Variants in IL1RAPL2 observed in about 807,000 individuals in gnomAD.
The protein encoded by IL1RAPL2 is X-linked interleukin-1 receptor accessory protein-like 2.
In IL1RAPL2, 3 loss-of-function variants were observed where a neutral mutation model predicts 44.1. That is an observed-to-expected ratio of 0.07 (90% confidence interval 0.03 to 0.18). IL1RAPL2 has a LOEUF of 0.18. IL1RAPL2 is among the 10% of genes least tolerant of loss of function. The pLI is 1.00. For synonymous variants in IL1RAPL2, 181 were observed against 178.8 expected (o/e 1.01, Z -0.10); for missense variants, 391 against 496.4 (o/e 0.79, Z 2.02).
intron 1 of IL1RAPL2, among the ~76,000 whole-genome samples, chrX:104,604,476 T>C (rs1928958708): frequency 9.1e-6 from 1 of 110,404 alleles, no homozygotes; most frequent in South Asian, 3.9e-4. Context: ...TAAATGTAAA[T>C]GGGCTAAGTG....
At chrX:104,715,768 A>T (rs1931552510) in intron 2 of IL1RAPL2, among the ~76,000 whole-genome samples, 1 of 110,385 alleles carries the variant, frequency 9.1e-6, no homozygotes, top group South Asian at 3.8e-4. Flanking sequence ...ATAACCCACT[A>T]CTCAAAGAAA....
intron 2 of IL1RAPL2, among the ~76,000 whole-genome samples, chrX:104,765,199 T>C (rs948695072): frequency 9.0e-6 from 1 of 111,675 alleles, no homozygotes; most frequent in Non-Finnish European, 1.9e-5. Flanking sequence ...TTTTGTTTTG[T>C]TTTTTACTGG....
At chrX:104,978,609 AC>A (rs2030380130) in intron 2 of IL1RAPL2, among the ~76,000 whole-genome samples, 1 of 111,871 alleles carries the variant, frequency 8.9e-6, no homozygotes, top group Admixed American at 9.5e-5. Context: ...ATATGTAAAA[AC>A]AAAAAGAAGA....
chrX:104,732,557 A>T (rs1931939860), intron 2 of IL1RAPL2, among the ~76,000 whole-genome samples: 1 of 111,853 alleles, frequency 8.9e-6, no homozygotes, highest in Non-Finnish European at 1.9e-5. Context: ...AATAAAATAT[A>T]TTAAAAGTGC....
intron 6 of IL1RAPL2, among the ~76,000 whole-genome samples, chrX:105,517,561 G>A (rs1025807778): frequency 3.6e-4 from 40 of 110,530 alleles, no homozygotes; most frequent in African/African-American, 1.3e-3. Context: ...CCTCTATTAG[G>A]ACACCTTTTC....
intron 6 of IL1RAPL2, among the ~76,000 whole-genome samples, chrX:105,560,661 C>T (rs971625567): frequency 2.7e-5 from 3 of 110,384 alleles, no homozygotes; most frequent in Non-Finnish European, 5.7e-5. Flanking sequence ...TCAGGTGATC[C>T]GCCCACCTCA....
intron 7 of IL1RAPL2, among the ~76,000 whole-genome samples, chrX:105,721,416 C>CA (rs113785568): frequency 0.26 from 27,079 of 103,020 alleles, 5,012 homozygotes; most frequent in African/African-American, 0.64. Flanking sequence ...AACTCCATCT[C>CA]AAAAAAAAAA....
At chrX:105,266,321 C>T (rs146629521) in intron 4 of IL1RAPL2, among the ~76,000 whole-genome samples, 1,604 of 111,012 alleles carry the variant, frequency 0.014, 27 homozygotes, top group African/African-American at 0.05. Flanking sequence ...GGATTACAGG[C>T]GTGAGCCACC....
chrX:104,590,972 C>G (rs1928653398), intron 1 of IL1RAPL2, among the ~76,000 whole-genome samples: 1 of 111,377 alleles, frequency 9.0e-6, no homozygotes, highest in African/African-American at 3.3e-5. Flanking sequence ...AGTCCCAGAT[C>G]AGGAAATTTC....
chrX:104,822,719 G>A (rs1475562203), intron 2 of IL1RAPL2, among the ~76,000 whole-genome samples: 1 of 112,037 alleles, frequency 8.9e-6, no homozygotes, highest in Admixed American at 9.5e-5. Flanking sequence ...TTTTTGCTTA[G>A]AATTGTCTTG....
chrX:104,943,160 T>C (rs754216849), intron 2 of IL1RAPL2, among the ~76,000 whole-genome samples: 5 of 111,533 alleles, frequency 4.5e-5, no homozygotes, highest in African/African-American at 1.6e-4. Context: ...TTCTCTTTTT[T>C]TAATTGTGTC....
intron 2 of IL1RAPL2, among the ~76,000 whole-genome samples, chrX:105,184,975 C>A (rs929152706): frequency 9.0e-6 from 1 of 111,582 alleles, no homozygotes; most frequent in African/African-American, 3.3e-5. Flanking sequence ...GTGTGTCAGT[C>A]CCTGTTCTAA....
At chrX:105,530,369 C>A in intron 6 of IL1RAPL2, among the ~76,000 whole-genome samples, 3 of 111,146 alleles carry the variant, frequency 2.7e-5, no homozygotes, top group Non-Finnish European at 5.7e-5. Flanking sequence ...TGTATACCTT[C>A]TTTGTAGAAA....
intron 2 of IL1RAPL2, among the ~76,000 whole-genome samples, chrX:104,715,319 G>A (rs1450647478): frequency 9.5e-6 from 1 of 105,130 alleles, no homozygotes; most frequent in East Asian, 3.0e-4. Flanking sequence ...GTGGGGGTCT[G>A]TAATAATATC....
intron 5 of IL1RAPL2, among the ~76,000 whole-genome samples, chrX:105,281,538 G>A (rs2034532658): frequency 8.9e-6 from 1 of 111,872 alleles, no homozygotes; most frequent in African/African-American, 3.2e-5. Context: ...TATATAAAAC[G>A]GTGGTCCCAT....
intron 6 of IL1RAPL2, among the ~76,000 whole-genome samples, chrX:105,673,296 A>G (rs1011439421): frequency 9.1e-6 from 1 of 110,493 alleles, no homozygotes; most frequent in African/African-American, 3.3e-5. Flanking sequence ...TGCATTAGCT[A>G]TTTGTCCTAA....
rs762493416 is a variant in IL1RAPL2, at chrX:104,774,530, T to C, written c.82+115535T>C. On this transcript the variant is annotated intron_variant, in intron 2 of 10. Coordinates refer to ENST00000372582, the MANE Select transcript of IL1RAPL2 (RefSeq NM_017416.2). ...AGTGCCTAGATCTATGTCTGAATGA[T>C]AGAATGTGGATTTAGCTTCTCCCTA... is the stretch of plus-strand genomic sequence containing the variant. Among the ~76,000 whole-genome samples, 5 of 111,790 alleles carry C rather than the reference T, an allele frequency of 4.5e-5. No homozygotes were observed. The East Asian group carries it at 1.1e-3, about 25-fold the overall frequency.
intron 2 of IL1RAPL2, among the ~76,000 whole-genome samples, chrX:105,006,917 A>G (rs2030952245): frequency 9.0e-6 from 1 of 111,337 alleles, no homozygotes; most frequent in African/African-American, 3.3e-5. Flanking sequence ...TCAATCTACC[A>G]GTGGTTTTAA....
At position 105,233,952 on chromosome X, in the gene IL1RAPL2, A is replaced by G; in HGVS notation, c.491A>G (p.Asp164Gly). 8.3e-7 allele frequency: 1 copy of G among 1,210,543 alleles called. No individual in the cohort carries two copies. Among genetic ancestry groups the G allele is most frequent in the East Asian group, 3.0e-5 (1 of 33,832 alleles). ...AAAAGAAAGGAGATCTCCTGTCCAG[A>G]CATGGATGACTTTAAAAAGTCCGAT... ...VTKRKEISCP[D>G]MDDFKKSDQE... Residue 164 changes from aspartate to glycine, a missense_variant, in exon 4 of 11, where the codon GAC becomes GGC. By Grantham distance (94) the Asp-to-Gly change is moderately conservative. Around this residue, in one of 2 missense-constraint regions of IL1RAPL2, gnomAD observed 159 missense variants for 251.7 expected, o/e 0.63. Coordinates refer to ENST00000372582, the MANE Select transcript of IL1RAPL2 (RefSeq NM_017416.2).
Sources: allele counts gnomAD v4.1 joint callset (sites outside exome capture counted in the v4.1 genomes callset), GRCh38; gene constraint gnomAD v4.1.1; regional missense constraint gnomAD v4.1.1; transcripts MANE v1.5; gene names NCBI Gene and HGNC (gene_info 2026-07-23, HGNC 2026-07-21).